The following MTA3 variants were observed in gnomAD, a reference collection of about 807,000 sequenced individuals.
The protein encoded by MTA3 is metastasis associated 1 family member 3.
MTA3 carries 34 observed loss-of-function variants against 83.5 expected under a neutral mutation model. The ratio of observed to expected loss-of-function variants is 0.41; its 90% CI spans 0.31 to 0.54. MTA3 has a LOEUF of 0.54. Ranked by LOEUF, MTA3 falls within the 20% of genes least tolerant of loss-of-function variation. The pLI is 0.33. For missense variants in MTA3, 761 were observed against 726.4 expected (o/e 1.05, Z -0.55); for synonymous variants, 303 against 252.7 (o/e 1.20, Z -1.89).
chr2:42,738,922 A>T (rs906704659), intron 16 of MTA3, among the ~76,000 whole-genome samples: 5 of 152,134 alleles, frequency 3.3e-5, no homozygotes, highest in Admixed American at 3.3e-4. Flanking sequence ...AGACCGGTTG[A>T]TCTCAAAACC....
At chr2:42,637,138 G>A (rs554655358) in intron 4 of MTA3, among the ~76,000 whole-genome samples, 1 of 152,280 alleles carries the variant, frequency 6.6e-6, no homozygotes, top group South Asian at 2.1e-4. Flanking sequence ...AGCACCCTGC[G>A]CAGTCTCTGA....
intron 2 of MTA3, among the ~76,000 whole-genome samples, chr2:42,504,987 G>A (rs1159638089): frequency 1.3e-5 from 2 of 152,046 alleles, no homozygotes; most frequent in South Asian, 2.1e-4. Flanking sequence ...CCACTCTGTG[G>A]ACCTTGCTCT....
intron 16 of MTA3, among the ~76,000 whole-genome samples, chr2:42,728,897 T>C (rs1487009004): frequency 6.6e-6 from 1 of 152,180 alleles, no homozygotes; most frequent in Non-Finnish European, 1.5e-5. Context: ...TCTCCCATTC[T>C]GTGCATTGTC....
intron 1 of MTA3, among the ~76,000 whole-genome samples, chr2:42,569,145 G>A (rs1678165410): frequency 6.6e-6 from 1 of 151,460 alleles, no homozygotes; most frequent in African/African-American, 2.4e-5. Flanking sequence ...GAGAGGATGA[G>A]GGGACATCCC....
intron 8 of MTA3, among the ~76,000 whole-genome samples, chr2:42,672,645 CAAAAAAAA>C (rs5830734): frequency 9.7e-5 from 5 of 51,566 alleles, no homozygotes; most frequent in African/African-American, 2.7e-4. Flanking sequence ...ATTCCATCTC[CAAAAAAAA>C]AAAAAAAAAA....
At chr2:42,716,296 T>C (rs1481263163) in intron 14 of MTA3, among the ~76,000 whole-genome samples, 8 of 152,242 alleles carry the variant, frequency 5.3e-5, no homozygotes, top group Admixed American at 1.3e-4. Flanking sequence ...CTCTGCAGTA[T>C]GTGCTTTGTC....
At chr2:42,652,278 C>G (rs1688789891) in intron 6 of MTA3, among the ~76,000 whole-genome samples, 1 of 152,022 alleles carries the variant, frequency 6.6e-6, no homozygotes, top group Non-Finnish European at 1.5e-5. Flanking sequence ...GTAAGTTAGT[C>G]TTTCTTAGAT....
At chr2:42,739,174 A>C (rs966856154) in intron 16 of MTA3, among the ~76,000 whole-genome samples, 1 of 152,220 alleles carries the variant, frequency 6.6e-6, no homozygotes, top group East Asian at 1.9e-4. Context: ...CACAGATCCT[A>C]CCAACGTGTG....
intron 2 of MTA3, among the ~76,000 whole-genome samples, chr2:42,542,573 A>G (rs956874273): frequency 1.3e-5 from 2 of 152,092 alleles, no homozygotes; most frequent in African/African-American, 2.4e-5. Flanking sequence ...TTATTTTGAG[A>G]CGGAGTCTCA....
intron 2 of MTA3, among the ~76,000 whole-genome samples, chr2:42,513,941 C>T (rs530483568): frequency 1.3e-5 from 2 of 152,236 alleles, no homozygotes; most frequent in South Asian, 2.1e-4. Flanking sequence ...AGGCCAGGCA[C>T]GGTGGCTCAT....
intron 16 of MTA3, among the ~76,000 whole-genome samples, chr2:42,746,164 G>T (rs956070685): frequency 2.0e-5 from 3 of 152,082 alleles, no homozygotes; most frequent in Non-Finnish European, 4.4e-5. Flanking sequence ...ATCTTTGTCT[G>T]ATTTTAATAC....
At chr2:42,696,554 A>AGCAAGTTATACAGTGGCAAGT (rs568824881) in intron 10 of MTA3, among the ~76,000 whole-genome samples, 2,250 of 152,322 alleles carry the variant, frequency 0.015, 46 homozygotes, top group African/African-American at 0.051. Context: ...CTATATATGT[A>AGCAAGTTATACAGTGGCAAGT]GGTTATACAG....
chr2:42,730,651 C>T (rs1668173000), intron 16 of MTA3, among the ~76,000 whole-genome samples: 1 of 151,376 alleles, frequency 6.6e-6, no homozygotes, highest in African/African-American at 2.5e-5. Flanking sequence ...TTCATCAGGA[C>T]ATTGACTTGT....
chr2:42,580,864 C>T (rs949377141), intron 3 of MTA3, among the ~76,000 whole-genome samples: 3 of 152,152 alleles, frequency 2.0e-5, no homozygotes, highest in Non-Finnish European at 4.4e-5. Flanking sequence ...GCTGGGATTA[C>T]AGGTGTGAAC....
chr2:42,716,684 A>G (rs925067487), intron 14 of MTA3, among the ~76,000 whole-genome samples: 30 of 152,316 alleles, frequency 2.0e-4, no homozygotes, highest in African/African-American at 7.0e-4. Flanking sequence ...CTGGCTGCAT[A>G]GTGTTTCATG....
chr2:42,570,305 A>G (rs1418114436), intron 1 of MTA3, 132 bp from the exon 2 acceptor site: 2 of 518,428 alleles, frequency 3.9e-6, no homozygotes, highest in East Asian at 2.9e-5. Flanking sequence ...CTGCATTATT[A>G]TGTTTGCTTT....
intron 3 of MTA3, among the ~76,000 whole-genome samples, chr2:42,602,966 T>C (rs1191479483): frequency 6.6e-6 from 1 of 152,180 alleles, no homozygotes; most frequent in Admixed American, 6.6e-5. Flanking sequence ...TTCCAGAGTA[T>C]GCTGTGTAAT....
Position 42,631,137 on chromosome 2 carries a change from A to C in MTA3, c.318-9036A>C, listed in dbSNP as rs371227144. On this transcript the variant is annotated intron_variant, in intron 4 of 16. Coordinates refer to ENST00000405094, the MANE Select transcript of MTA3 (RefSeq NM_001330442.2). ...TAATTTTTTTGGTAATCTATACATA[A>C]AATTTGAATTAGCCAAAAGGGTACT... Among the ~76,000 whole-genome samples the C allele has an allele frequency of 5.2e-4, 79 of 152,330 alleles. 2 individuals are homozygous for C. In the South Asian group the frequency reaches 0.012, roughly 24 times the overall value.
At chr2:42,705,845 G>A (rs1666035061) in intron 12 of MTA3, among the ~76,000 whole-genome samples, 1 of 152,044 alleles carries the variant, frequency 6.6e-6, no homozygotes, top group South Asian at 2.1e-4. Flanking sequence ...TTAGACTCAT[G>A]TATTACTAAT....
Sources: allele counts gnomAD v4.1 joint callset (sites outside exome capture counted in the v4.1 genomes callset), GRCh38; gene constraint gnomAD v4.1.1; transcripts MANE v1.5; gene names NCBI Gene and HGNC (gene_info 2026-07-23, HGNC 2026-07-21).